Variants in COL8A1 observed in about 807,000 individuals in gnomAD.
The protein encoded by COL8A1 is collagen alpha-1(VIII) chain.
Under a neutral mutation model 42.7 loss-of-function variants are expected in COL8A1, and 21 were observed. The ratio of observed to expected loss-of-function variants is 0.49; its 90% CI spans 0.35 to 0.71. The LOEUF (loss-of-function observed/expected upper bound fraction) is 0.71, where lower values mean the gene tolerates loss of function less well. Among genes scored for constraint, COL8A1 ranks in the 30% least tolerant of loss-of-function variants. The pLI is 0.01. For missense variants in COL8A1, 788 were observed against 962.4 expected (o/e 0.82, Z 2.40); for synonymous variants, 367 against 369.1 (o/e 0.99, Z 0.06).
intron 1 of COL8A1, among the ~76,000 whole-genome samples, chr3:99,732,488 G>A (rs1940542833): frequency 6.6e-6 from 1 of 152,016 alleles, no homozygotes; most frequent in African/African-American, 2.4e-5. Flanking sequence ...AAGCAAAAGG[G>A]GGAAAAGGCC....
At chr3:99,723,485 A>G (rs1940215120) in intron 1 of COL8A1, among the ~76,000 whole-genome samples, 1 of 152,170 alleles carries the variant, frequency 6.6e-6, no homozygotes. Flanking sequence ...CACCAAAGTA[A>G]TCATTTCCTT....
intron 1 of COL8A1, among the ~76,000 whole-genome samples, chr3:99,706,096 G>A (rs984006465): frequency 1.3e-5 from 2 of 152,222 alleles, no homozygotes; most frequent in Admixed American, 1.3e-4. Context: ...TATGTAGCCT[G>A]TATACACACT....
chr3:99,763,637 A>C (rs1322801758), intron 2 of COL8A1, among the ~76,000 whole-genome samples: 1 of 152,116 alleles, frequency 6.6e-6, no homozygotes. Flanking sequence ...GAAAAAAAAA[A>C]CAAACTTTCC....
At chr3:99,739,989 C>G (rs1186626796) in intron 1 of COL8A1, among the ~76,000 whole-genome samples, 1 of 152,128 alleles carries the variant, frequency 6.6e-6, no homozygotes, top group African/African-American at 2.4e-5. Context: ...CACCAGATAC[C>G]CTAAATCATC....
intron 2 of COL8A1, among the ~76,000 whole-genome samples, chr3:99,772,532 G>A (rs2107439238): frequency 6.6e-6 from 1 of 152,266 alleles, no homozygotes; most frequent in East Asian, 1.9e-4. Context: ...TCATAATGGG[G>A]GAGGTTGTGC....
At chr3:99,663,469 T>C (rs1235697031) in intron 1 of COL8A1, among the ~76,000 whole-genome samples, 2 of 152,170 alleles carry the variant, frequency 1.3e-5, no homozygotes, top group South Asian at 2.1e-4. Flanking sequence ...ATACCAGTTG[T>C]TTGGGGATTT....
chr3:99,704,855 A>C (rs1180892628), intron 1 of COL8A1, among the ~76,000 whole-genome samples: 1 of 152,028 alleles, frequency 6.6e-6, no homozygotes, highest in Non-Finnish European at 1.5e-5. Flanking sequence ...CTGGAGTTTT[A>C]ATTGATTTGA....
intron 2 of COL8A1, among the ~76,000 whole-genome samples, chr3:99,748,544 C>T (rs1340314141): frequency 6.6e-6 from 1 of 152,030 alleles, no homozygotes. Context: ...TCACCTGTTT[C>T]TTTTTACTTA....
chr3:99,655,205 C>G (rs1404460586), intron 1 of COL8A1, among the ~76,000 whole-genome samples: 5 of 152,092 alleles, frequency 3.3e-5, no homozygotes, highest in Non-Finnish European at 7.4e-5. Context: ...CACATCATAC[C>G]CATCTCTACC....
chr3:99,655,555 C>T (rs1937992113), intron 1 of COL8A1, among the ~76,000 whole-genome samples: 1 of 152,170 alleles, frequency 6.6e-6, no homozygotes. Flanking sequence ...CAGTATCTGA[C>T]TCGCTGGAGA....
intron 1 of COL8A1, among the ~76,000 whole-genome samples, chr3:99,650,557 C>T (rs1937811945): frequency 6.6e-6 from 1 of 152,072 alleles, no homozygotes; most frequent in Non-Finnish European, 1.5e-5. Context: ...GCCTCAGCCT[C>T]CCGAGTAGCT....
intron 2 of COL8A1, among the ~76,000 whole-genome samples, chr3:99,777,303 T>C (rs1413619687): frequency 2.2e-4 from 33 of 152,132 alleles, no homozygotes; most frequent in Admixed American, 2.0e-3. Flanking sequence ...CAGAAACCTA[T>C]AGAAGCTGAG....
chr3:99,672,169 G>C (rs1938566194), intron 1 of COL8A1, among the ~76,000 whole-genome samples: 2 of 152,028 alleles, frequency 1.3e-5, no homozygotes, highest in Non-Finnish European at 2.9e-5. Context: ...CCACAGCTCA[G>C]AGCAGTAAGA....
intron 1 of COL8A1, among the ~76,000 whole-genome samples, chr3:99,727,654 A>T (rs1035912136): frequency 2.0e-5 from 3 of 151,958 alleles, no homozygotes; most frequent in Non-Finnish European, 4.4e-5. Flanking sequence ...GGCTAACGTC[A>T]TCCTGATACC....
chr3:99,798,159 A>G lies in COL8A1; in HGVS notation c.*2023A>G, dbSNP rs997110604. 1.4e-4 allele frequency: 21 copies of G among 152,236 alleles called. No individual in the cohort carries two copies. Among genetic ancestry groups the G allele is most frequent in the African/African-American group, 4.8e-4 (20 of 41,460 alleles). The allele number at this position is 152,236 out of a possible 1,614,324, so 9.4% of individuals were successfully genotyped here. A position where few individuals can be genotyped will look rare whatever the true frequency, so the allele number is the denominator to read the frequency against. On this transcript the variant is annotated 3_prime_UTR_variant, in exon 4 of 4. Coordinates refer to ENST00000652472, the MANE Select transcript of COL8A1 (RefSeq NM_020351.4). ...ATCACAAAAATTCTTCTCTTGGCCAATATCTCATTTCCCTATATAGTATAC... is the reference window on the plus strand; with the variant it reads ...ATCACAAAAATTCTTCTCTTGGCCAGTATCTCATTTCCCTATATAGTATAC...
At chr3:99,721,444 AGGG>A (rs768793629) in intron 1 of COL8A1, among the ~76,000 whole-genome samples, 1 of 139,210 alleles carries the variant, frequency 7.2e-6, no homozygotes, top group African/African-American at 2.6e-5. Context: ...GGGAAGGGGA[AGGG>A]GAAGGGAAGG....
intron 2 of COL8A1, among the ~76,000 whole-genome samples, chr3:99,746,284 T>G (rs1223000370): frequency 6.6e-6 from 1 of 152,170 alleles, no homozygotes; most frequent in Non-Finnish European, 1.5e-5. Context: ...AATGAAATAT[T>G]TATAATGCAA....
chr3:99,778,731 T>C (rs1941740604), intron 2 of COL8A1, among the ~76,000 whole-genome samples: 1 of 152,100 alleles, frequency 6.6e-6, no homozygotes. Context: ...AGAGTAAGAA[T>C]GAAAACAGTA....
chr3:99,742,366 A>T (rs1940920812), intron 1 of COL8A1, among the ~76,000 whole-genome samples: 1 of 152,204 alleles, frequency 6.6e-6, no homozygotes, highest in Non-Finnish European at 1.5e-5. Flanking sequence ...TTCAAAAATT[A>T]ACTGAAATAC....
Sources: gnomAD v4.1 joint callset for allele counts (sites outside exome capture counted in the v4.1 genomes callset) on GRCh38, gnomAD v4.1.1 for gene constraint, MANE v1.5 for transcripts, NCBI Gene and HGNC (gene_info 2026-07-23, HGNC 2026-07-21) for gene names.